The following TMTC2 variants were observed in gnomAD, a reference collection of about 807,000 sequenced individuals.
The protein encoded by TMTC2 is transmembrane O-mannosyltransferase targeting cadherins 2.
TMTC2 carries 43 observed loss-of-function variants against 82.4 expected under a neutral mutation model. The observed-to-expected ratio is 0.52, with a 90% CI of 0.41 to 0.67. The LOEUF (loss-of-function observed/expected upper bound fraction) is 0.67, where lower values mean the gene tolerates loss of function less well. Among genes scored for constraint, TMTC2 ranks in the 30% least tolerant of loss-of-function variants. The probability of loss-of-function intolerance (pLI) is 0.00; values close to 1 mark genes in which losing one functional copy is unlikely to be tolerated. For synonymous variants in TMTC2, 408 were observed against 381.9 expected (o/e 1.07, Z -0.80); for missense variants, 919 against 1,012.4 (o/e 0.91, Z 1.25).
chr12:82,910,797 T>G (rs1232501839), intron 3 of TMTC2, among the ~76,000 whole-genome samples: 1 of 152,146 alleles, frequency 6.6e-6, no homozygotes, highest in Non-Finnish European at 1.5e-5. Flanking sequence ...CCTCTTGTCA[T>G]TTTCTGCAGA....
chr12:82,772,351 G>T (rs1877353826), intron 1 of TMTC2, among the ~76,000 whole-genome samples: 1 of 152,168 alleles, frequency 6.6e-6, no homozygotes, highest in African/African-American at 2.4e-5. Flanking sequence ...AGAGGAGACA[G>T]CATTTTCAGT....
At chr12:82,965,486 G>A in intron 5 of TMTC2, 74 bp from the exon 6 acceptor site, 1 of 1,521,210 alleles carries the variant, frequency 6.6e-7, no homozygotes, top group Admixed American at 1.9e-5. Context: ...AAACCAAATT[G>A]AAACAAAGAA....
At chr12:82,986,732 G>C (rs967094294) in intron 8 of TMTC2, among the ~76,000 whole-genome samples, 1 of 152,156 alleles carries the variant, frequency 6.6e-6, no homozygotes, top group African/African-American at 2.4e-5. Flanking sequence ...ACCATTTCAC[G>C]AAAGTGACAT....
chr12:82,980,740 C>T (rs1446707383), intron 7 of TMTC2, among the ~76,000 whole-genome samples: 3 of 151,838 alleles, frequency 2.0e-5, no homozygotes, highest in Admixed American at 6.6e-5. Context: ...TTGGCATATG[C>T]AATTTGTTGT....
At chr12:83,118,718 A>T (rs903827444) in intron 11 of TMTC2, among the ~76,000 whole-genome samples, 1 of 151,822 alleles carries the variant, frequency 6.6e-6, no homozygotes, top group African/African-American at 2.4e-5. Flanking sequence ...CTCTTTCTCT[A>T]TCTAGTGTCA....
chr12:82,834,886 T>A (rs1283810270), intron 1 of TMTC2, among the ~76,000 whole-genome samples: 1 of 143,724 alleles, frequency 7.0e-6, no homozygotes, highest in African/African-American at 2.7e-5. Context: ...ATTTTATTAT[T>A]TTTTTTTTTG....
rs551638621 is a variant in TMTC2, at chr12:82,873,785, A to G, written c.654+16205A>G. On this transcript the variant is annotated intron_variant, in intron 2 of 11. Transcript: ENST00000321196. ...ATCGAATTATAAAGGTGACTGTAAA[A>G]TTTGGGGTAAACCCAGTTTCCATTC... Among the ~76,000 whole-genome samples the G allele has an allele frequency of 6.6e-5, 10 of 152,298 alleles. 1 individual carries two copies. Among genetic ancestry groups the G allele is most frequent in the African/African-American group, 2.4e-4 (10 of 41,580 alleles).
chr12:82,893,644 C>G (rs986295584), intron 2 of TMTC2, among the ~76,000 whole-genome samples: 3 of 151,842 alleles, frequency 2.0e-5, no homozygotes, highest in Admixed American at 2.0e-4. Context: ...AACTTCTAAC[C>G]ACCTATTCTT....
intron 1 of TMTC2, among the ~76,000 whole-genome samples, chr12:82,836,313 T>C (rs1870038021): frequency 6.6e-6 from 1 of 152,158 alleles, no homozygotes; most frequent in African/African-American, 2.4e-5. Context: ...AACTTACAGA[T>C]ATGATTGAAT....
intron 10 of TMTC2, among the ~76,000 whole-genome samples, chr12:83,055,268 G>C (rs917348780): frequency 2.0e-5 from 3 of 152,050 alleles, no homozygotes; most frequent in Non-Finnish European, 4.4e-5. Context: ...TCTGGCTTCT[G>C]CCTTGCTTGA....
At chr12:82,917,560 A>G (rs1053887664) in intron 3 of TMTC2, among the ~76,000 whole-genome samples, 1 of 152,094 alleles carries the variant, frequency 6.6e-6, no homozygotes, top group African/African-American at 2.4e-5. Context: ...TCACATATGC[A>G]TACACAAGTC....
chr12:82,735,536 G>A (rs1321402944), intron 1 of TMTC2, among the ~76,000 whole-genome samples: 7 of 151,800 alleles, frequency 4.6e-5, no homozygotes, highest in African/African-American at 1.4e-4. Flanking sequence ...TAGTAGAGAC[G>A]AAGTTTCACT....
chr12:82,933,758 A>G (rs1354118980), intron 4 of TMTC2, among the ~76,000 whole-genome samples: 2 of 152,206 alleles, frequency 1.3e-5, no homozygotes, highest in African/African-American at 2.4e-5. Flanking sequence ...CATAACTTCT[A>G]CATCTAAGTA....
rs376558661 is a variant in TMTC2 at position 82,910,474 on chromosome 12, T to C, written c.1483+13828T>C. ...GTGGGCATGTTACAGTATGCTCCTT[T>C]AGTTTAGCCCTCTATAGGCGGCTTG... On this transcript the variant is annotated intron_variant, in intron 3 of 11. Transcript: ENST00000321196. Among the ~76,000 whole-genome samples, 224 of 152,282 alleles carry C rather than the reference T, an allele frequency of 1.5e-3. 7 individuals carry two copies. In the South Asian group the frequency reaches 0.044, roughly 30 times the overall value.
At chr12:82,750,633 C>T (rs2136965251) in intron 1 of TMTC2, among the ~76,000 whole-genome samples, 1 of 152,232 alleles carries the variant, frequency 6.6e-6, no homozygotes, top group South Asian at 2.1e-4. Context: ...TAGCTATCGT[C>T]AGTCCTGTGA....
At chr12:82,935,880 C>A (rs907869918) in intron 4 of TMTC2, among the ~76,000 whole-genome samples, 1 of 151,302 alleles carries the variant, frequency 6.6e-6, no homozygotes, top group Non-Finnish European at 1.5e-5. Flanking sequence ...AAGAAATGAG[C>A]AAGAAAATAA....
At position 83,070,949 on chromosome 12, in the gene TMTC2, AC is replaced by A. The variant is rs558442755; in HGVS notation, c.2331+9119del. The stretch of plus-strand genomic sequence containing the variant: ...TTTTTCTGCATCTATTGAGATAATC[AC>A]GTGATTTTTGTTTTCAATTCTGTTT... On this transcript the variant is annotated intron_variant, in intron 11 of 11. Coordinates refer to ENST00000321196, the MANE Select transcript of TMTC2 (RefSeq NM_152588.3). Among the ~76,000 whole-genome samples the A allele has an allele frequency of 2.8e-4, 43 of 152,214 alleles. 1 individual carries two copies. The East Asian group carries it at 7.9e-3, about 28-fold the overall frequency.
intron 9 of TMTC2, among the ~76,000 whole-genome samples, chr12:83,040,971 A>G (rs1321490189): frequency 6.6e-6 from 1 of 152,156 alleles, no homozygotes; most frequent in Non-Finnish European, 1.5e-5. Context: ...GGCATGAGCC[A>G]CCGCACCAGG....
At chr12:82,798,341 GC>G (rs1878823879) in intron 1 of TMTC2, among the ~76,000 whole-genome samples, 1 of 150,610 alleles carries the variant, frequency 6.6e-6, no homozygotes, top group Non-Finnish European at 1.5e-5. Context: ...GGAGGCCGAG[GC>G]CGGTGGATGG....
Sources: gnomAD v4.1 joint callset for allele counts (sites outside exome capture counted in the v4.1 genomes callset) on GRCh38, gnomAD v4.1.1 for gene constraint, MANE v1.5 for transcripts, NCBI Gene and HGNC (gene_info 2026-07-23, HGNC 2026-07-21) for gene names.